Variants in RBFOX1 observed in about 807,000 individuals in gnomAD.
The protein encoded by RBFOX1 is RNA binding protein fox-1 homolog 1.
Under a neutral mutation model 57.7 loss-of-function variants are expected in RBFOX1, and 8 were observed. The observed-to-expected ratio is 0.14, with a 90% confidence interval of 0.08 to 0.25. The LOEUF is 0.25. Ranked by LOEUF, RBFOX1 falls within the 10% of genes least tolerant of loss-of-function variation. The pLI, the probability that RBFOX1 is intolerant of heterozygous loss-of-function variation, is 1.00. For synonymous variants in RBFOX1, 326 were observed against 222.4 expected (o/e 1.47, Z -4.15); for missense variants, 611 against 548.5 (o/e 1.11, Z -1.14).
At chr16:7,098,936 T>G (rs1705044684) in intron 4 of RBFOX1, among the ~76,000 whole-genome samples, 1 of 152,192 alleles carries the variant, frequency 6.6e-6, no homozygotes, top group Admixed American at 6.5e-5. Context: ...CCTGAGGTTG[T>G]TTTTCAACTG....
intron 2 of RBFOX1, among the ~76,000 whole-genome samples, chr16:6,650,958 A>G (rs537350813): frequency 6.6e-6 from 1 of 152,282 alleles, no homozygotes; most frequent in East Asian, 1.9e-4. Context: ...GCTGAAGTGC[A>G]ATGGCATGAT....
chr16:7,633,517 CA>C (rs1252858400), intron 11 of RBFOX1, among the ~76,000 whole-genome samples: 1 of 151,476 alleles, frequency 6.6e-6, no homozygotes, highest in African/African-American at 2.4e-5. Context: ...AATTTTTTTT[CA>C]AAAATATTAA....
intron 3 of RBFOX1, among the ~76,000 whole-genome samples, chr16:6,839,413 C>G (rs765066981): frequency 1.3e-5 from 2 of 152,222 alleles, no homozygotes; most frequent in South Asian, 2.1e-4. Flanking sequence ...GTGGAAACAT[C>G]GACAGACTCA....
At chr16:6,356,271 A>G (rs2487919) in intron 2 of RBFOX1, among the ~76,000 whole-genome samples, 1 of 152,060 alleles carries the variant, frequency 6.6e-6, no homozygotes, top group Non-Finnish European at 1.5e-5. Context: ...TGCAGGGGCA[A>G]AAACCTGCCA....
At chr16:5,955,572 G>A (rs1253422547) in intron 4 of RBFOX1, among the ~76,000 whole-genome samples, 1 of 152,014 alleles carries the variant, frequency 6.6e-6, no homozygotes, top group Admixed American at 6.6e-5. Flanking sequence ...GGTAAATATT[G>A]TTGAAATAAA....
At chr16:7,213,045 A>T (rs1043202463) in intron 4 of RBFOX1, among the ~76,000 whole-genome samples, 1 of 152,172 alleles carries the variant, frequency 6.6e-6, no homozygotes, top group Admixed American at 6.5e-5. Context: ...ATAGATGAGC[A>T]GAAGTAAATG....
intron 1 of RBFOX1, among the ~76,000 whole-genome samples, chr16:5,426,855 C>T (rs972357997): frequency 2.6e-5 from 4 of 152,164 alleles, no homozygotes; most frequent in Non-Finnish European, 5.9e-5. Context: ...GGTTAAACAA[C>T]GCAGTGATGC....
intron 4 of RBFOX1, among the ~76,000 whole-genome samples, chr16:7,127,558 C>T (rs538336315): frequency 1.8e-4 from 27 of 152,040 alleles, no homozygotes; most frequent in Admixed American, 1.3e-3. Flanking sequence ...TATGCACGAG[C>T]GTGCATGTGT....
At chr16:7,293,927 T>C (rs1204982420) in intron 4 of RBFOX1, among the ~76,000 whole-genome samples, 1 of 152,174 alleles carries the variant, frequency 6.6e-6, no homozygotes, top group Non-Finnish European at 1.5e-5. Flanking sequence ...GGTGGATTAA[T>C]TCAGAGCTGG....
intron 4 of RBFOX1, among the ~76,000 whole-genome samples, chr16:7,475,003 A>G (rs1395424089): frequency 6.6e-6 from 1 of 152,186 alleles, no homozygotes; most frequent in African/African-American, 2.4e-5. Flanking sequence ...ATGGTACTCT[A>G]GATGGTTCCA....
intron 1 of RBFOX1, among the ~76,000 whole-genome samples, chr16:6,232,258 C>A (rs1046173610): frequency 6.6e-6 from 1 of 152,150 alleles, no homozygotes; most frequent in Admixed American, 6.5e-5. Flanking sequence ...AATGTCACAC[C>A]AGGAGGGACC....
At chr16:7,503,763 T>C (rs2071811488) in intron 4 of RBFOX1, among the ~76,000 whole-genome samples, 1 of 152,202 alleles carries the variant, frequency 6.6e-6, no homozygotes. Context: ...CTTACAAAAA[T>C]TCACTTTTGC....
At chr16:5,505,278 C>A (rs560719066) in intron 2 of RBFOX1, among the ~76,000 whole-genome samples, 15 of 152,272 alleles carry the variant, frequency 9.9e-5, no homozygotes, top group African/African-American at 3.6e-4. Context: ...TGGGATAACC[C>A]TGAACTGTAG....
At chr16:7,189,964 A>G (rs1000048631) in intron 4 of RBFOX1, among the ~76,000 whole-genome samples, 2 of 152,276 alleles carry the variant, frequency 1.3e-5, no homozygotes, top group African/African-American at 4.8e-5. Flanking sequence ...ATGCAAATGT[A>G]GAGTTCTTCA....
chr16:6,771,298 A>T (rs990765866), intron 3 of RBFOX1, among the ~76,000 whole-genome samples: 1 of 152,166 alleles, frequency 6.6e-6, no homozygotes, highest in African/African-American at 2.4e-5. Context: ...GTGCTTTGTT[A>T]CGGCAGCCCT....
chr16:5,789,264 T>A (rs2054610455), intron 3 of RBFOX1, among the ~76,000 whole-genome samples: 1 of 152,088 alleles, frequency 6.6e-6, no homozygotes, highest in Admixed American at 6.6e-5. Context: ...AATTATAATT[T>A]CTGAAAACCC....
chr16:5,456,434 T>C (rs541142175), intron 1 of RBFOX1, among the ~76,000 whole-genome samples: 6 of 152,338 alleles, frequency 3.9e-5, no homozygotes, highest in Middle Eastern at 3.4e-3. Context: ...GTTGTGGAAA[T>C]AGAATCATTC....
At chr16:6,332,286 T>C (rs968998101) in intron 2 of RBFOX1, among the ~76,000 whole-genome samples, 5 of 152,150 alleles carry the variant, frequency 3.3e-5, no homozygotes, top group Admixed American at 2.0e-4. Context: ...ATTTACTGAG[T>C]GTTTATTATG....
intron 2 of RBFOX1, among the ~76,000 whole-genome samples, chr16:5,549,402 C>T (rs571851564): frequency 2.6e-5 from 4 of 152,170 alleles, no homozygotes; most frequent in East Asian, 1.9e-4. Context: ...TGGTGGGTGA[C>T]GTTGATCAGA....
Sources: gnomAD v4.1 joint callset for allele counts (sites outside exome capture counted in the v4.1 genomes callset) on GRCh38, gnomAD v4.1.1 for gene constraint, MANE v1.5 for transcripts, NCBI Gene and HGNC (gene_info 2026-07-23, HGNC 2026-07-21) for gene names.